Variants in PCDHGB7 observed in about 807,000 individuals in gnomAD.
PCDHGB7 encodes protocadherin gamma-B7.
PCDHGB7 carries 37 observed loss-of-function variants against 61.4 expected under a neutral mutation model. The ratio of observed to expected loss-of-function variants is 0.60; its 90% confidence interval spans 0.46 to 0.79. The LOEUF is 0.79. Among genes scored for constraint, PCDHGB7 ranks in the 30% least tolerant of loss-of-function variants. The pLI is 0.00. For synonymous variants in PCDHGB7, 464 were observed against 503.5 expected (o/e 0.92, Z 1.05); for missense variants, 1,166 against 1,202.5 (o/e 0.97, Z 0.45).
At position 141,487,681 on chromosome 5, in the gene PCDHGB7, T is replaced by C. The variant is rs754032560; in HGVS notation, c.2416-7126T>C. The stretch of plus-strand genomic sequence containing the variant: ...CTGATCCAGGCATATGGCTAGGCCA[T>C]GTCCTAGAGAGTACTGGCCTCTCAG... On this transcript the variant is annotated intron_variant, in intron 1 of 3. Coordinates refer to ENST00000398594, the MANE Select transcript of PCDHGB7 (RefSeq NM_018927.4). The surrounding 1 kb of genome is among the most constrained non-coding windows in gnomAD (Gnocchi z 5.0). 1.1e-5 allele frequency: 18 copies of C among 1,608,852 alleles called. No individual in the cohort carries two copies. The highest frequency in any genetic ancestry group is 4.5e-5 in the East Asian group (2 of 44,816).
Position 141,505,374 on chromosome 5 carries a change from C to T in PCDHGB7, c.2475-19C>T. The T allele has an allele frequency of 2.5e-6, 4 of 1,614,004 alleles. No homozygotes were observed. Among genetic ancestry groups the T allele is most frequent in the Non-Finnish European group, 2.5e-6 (3 of 1,179,944 alleles). On this transcript the variant is annotated intron_variant, in intron 2 of 3. Coordinates refer to ENST00000398594, the MANE Select transcript of PCDHGB7 (RefSeq NM_018927.4). Reference sequence around the variant, plus strand: ...TGCCGGCCTGGGAGTCTGTGCTCACCATCCTACTCTCTCCCCAGCTCCCAA... The same window carrying T: ...TGCCGGCCTGGGAGTCTGTGCTCACTATCCTACTCTCTCCCCAGCTCCCAA...
intron 1 of PCDHGB7, among the ~76,000 whole-genome samples, chr5:141,463,460 T>TTTC (rs1554144872): frequency 7.4e-6 from 1 of 136,038 alleles, no homozygotes; most frequent in South Asian, 2.5e-4. Context: ...TTTTTTTTTT[T>TTTC]TTTTTTGAGA....
At position 141,491,346 on chromosome 5, in the gene PCDHGB7, T is replaced by A. The variant is rs760843553; in HGVS notation, c.2416-3461T>A. ...TCATTGTGGCTCTAGCGACCGTCAG[T>A]CTCTTATCCCTAGTCACCTTCACCT... On this transcript the variant is annotated intron_variant, in intron 1 of 3. Coordinates refer to ENST00000398594, the MANE Select transcript of PCDHGB7 (RefSeq NM_018927.4). This position sits in a 1 kb window ranked among gnomAD's most constrained non-coding sequence, Gnocchi z 6.9. The A allele has an allele frequency of 6.2e-7, 1 of 1,614,088 alleles. No individual in the cohort carries two copies. The highest frequency in any genetic ancestry group is 1.1e-5 in the South Asian group (1 of 91,080).
rs753678898 is a variant in PCDHGB7 at position 141,419,601 on chromosome 5, C to A, written c.1742C>A (p.Ala581Asp). The A allele has an allele frequency of 6.2e-7, 1 of 1,611,818 alleles. No individual in the cohort carries two copies. Among genetic ancestry groups the A allele is most frequent in the Admixed American group, 1.7e-5 (1 of 59,990 alleles). The change falls in exon 1 of 4, where the codon GCC becomes GAC. Residue 581 changes from alanine to aspartate, a missense_variant. Physicochemically the swap from Ala to Asp is moderately radical, Grantham distance 126. Transcript: ENST00000398594. ...GCGCTCTTCGACACAGTGCCGCGGGCCGCGCAGCCAGGCTACCTGGTGACC... is the reference window on the plus strand; with the variant it reads ...GCGCTCTTCGACACAGTGCCGCGGGACGCGCAGCCAGGCTACCTGGTGACC... Reference protein sequence around the residue: ...GSALFDTVPRAAQPGYLVTKV... With the variant: ...GSALFDTVPRDAQPGYLVTKV...
chr5:141,456,353 G>A (rs1041991824), intron 1 of PCDHGB7, among the ~76,000 whole-genome samples: 2 of 152,120 alleles, frequency 1.3e-5, no homozygotes, highest in South Asian at 2.1e-4. Context: ...GAAGAATGGC[G>A]TCCATGTGTG....
chr5:141,419,023 A>C lies in PCDHGB7; in HGVS notation c.1164A>C (p.Arg388Ser). 6.2e-7 allele frequency: 1 copy of C among 1,613,958 alleles called. No homozygotes were observed. The highest frequency in any genetic ancestry group is 2.2e-5 in the East Asian group (1 of 44,876). The stretch of plus-strand genomic sequence containing the variant: ...GGGAAGTCAGGTGTAGCTTAAGTAG[A>C]GGTGTTCCATTTAAGATTCATTCTT... ...ENGEVRCSLSRGVPFKIHSSS... is the reference protein window; with the variant it reads ...ENGEVRCSLSSGVPFKIHSSS... Residue 388 changes from arginine to serine, a missense_variant, in exon 1 of 4, where the codon AGA becomes AGC. By Grantham distance (110) the Arg-to-Ser change is moderately radical. Transcript: ENST00000398594.
chr5:141,423,246 G>A, intron 1 of PCDHGB7: 15 of 1,613,922 alleles, frequency 9.3e-6, no homozygotes, highest in Non-Finnish European at 1.3e-5. Context: ...CCGAAGTCCT[G>A]GCGGACCTCG....
At position 141,476,760 on chromosome 5, in the gene PCDHGB7, C is replaced by A; in HGVS notation, c.2416-18047C>A. The A allele has an allele frequency of 6.2e-7, 1 of 1,613,824 alleles. No homozygotes were observed. Among genetic ancestry groups the A allele is most frequent in the Non-Finnish European group, 8.5e-7 (1 of 1,180,010 alleles). On this transcript the variant is annotated intron_variant, in intron 1 of 3. Coordinates refer to ENST00000398594, the MANE Select transcript of PCDHGB7 (RefSeq NM_018927.4). This position sits in a 1 kb window ranked among gnomAD's most constrained non-coding sequence, Gnocchi z 7.6. ...GAGCCTAGTCTCCAGTTAGTGCTGA[C>A]GGCGTTGGACGGAGGGACCCCAGCT...
intron 1 of PCDHGB7, chr5:141,423,620 C>T: frequency 6.2e-7 from 1 of 1,608,268 alleles, no homozygotes; most frequent in Middle Eastern, 1.7e-4. Context: ...GCTGAAGACT[C>T]AGCTATCATT....
chr5:141,428,341 C>T, intron 1 of PCDHGB7: 1 of 602,086 alleles, frequency 1.7e-6, no homozygotes, highest in Non-Finnish European at 3.0e-6. Flanking sequence ...GCTCTTCTTC[C>T]TCGCAGTGAT....
At chr5:141,429,796 A>C (rs2097245618) in intron 1 of PCDHGB7, among the ~76,000 whole-genome samples, 1 of 152,216 alleles carries the variant, frequency 6.6e-6, no homozygotes, top group Non-Finnish European at 1.5e-5. Flanking sequence ...ATTACCAGTA[A>C]TTCTCAGTAA....
rs371130763 is a variant in PCDHGB7 at position 141,432,970 on chromosome 5, G to A, written c.2415+12696G>A. The A allele has an allele frequency of 5.0e-6, 8 of 1,613,996 alleles. No homozygotes were observed. Among genetic ancestry groups the A allele is most frequent in the East Asian group, 4.5e-5 (2 of 44,868 alleles). ...GAGGCGGCTTGACAGGAGCGCCGGC[G>A]TCGCACTTTGTGGGCGTGGACGGGG... On this transcript the variant is annotated intron_variant, in intron 1 of 3. Transcript: ENST00000398594. The surrounding 1 kb of genome is among the most constrained non-coding windows in gnomAD (Gnocchi z 6.0).
rs534845593 is a variant in PCDHGB7, at chr5:141,478,216, G to A, written c.2416-16591G>A. On this transcript the variant is annotated intron_variant, in intron 1 of 3. Coordinates refer to ENST00000398594, the MANE Select transcript of PCDHGB7 (RefSeq NM_018927.4). ...TTTATCTACTTCTTTCTCTAATCCTGGTTTCTGTGGGGTTTGTGGTCACAG... is the reference window on the plus strand; with the variant it reads ...TTTATCTACTTCTTTCTCTAATCCTAGTTTCTGTGGGGTTTGTGGTCACAG... 414 of 1,614,090 alleles carry A rather than the reference G, an allele frequency of 2.6e-4. 9 individuals carry two copies. In the South Asian group the frequency reaches 4.4e-3, roughly 17 times the overall value.
At chr5:141,457,607 T>C (rs578113551) in intron 1 of PCDHGB7, among the ~76,000 whole-genome samples, 2 of 152,360 alleles carry the variant, frequency 1.3e-5, no homozygotes, top group African/African-American at 4.8e-5. Context: ...AAACTAATTA[T>C]GAATGAACTT....
In PCDHGB7 at chr5:141,431,797, A is replaced by T. The variant is rs754056771; in HGVS notation, c.2415+11523A>T. 6.2e-7 allele frequency: 1 copy of T among 1,614,256 alleles called. No homozygotes were observed. The highest frequency in any genetic ancestry group is 2.2e-5 in the East Asian group (1 of 44,882). ...TGGACGTGAACGACAATGCCCCAGAAGTGGTCCTCACCTCTCTCGCCAGCT... is the reference window on the plus strand; with the variant it reads ...TGGACGTGAACGACAATGCCCCAGATGTGGTCCTCACCTCTCTCGCCAGCT... On this transcript the variant is annotated intron_variant, in intron 1 of 3. Coordinates refer to ENST00000398594, the MANE Select transcript of PCDHGB7 (RefSeq NM_018927.4). This position sits in a 1 kb window ranked among gnomAD's most constrained non-coding sequence, Gnocchi z 4.8.
intron 1 of PCDHGB7, chr5:141,424,664 A>G (rs923488035): frequency 1.3e-5 from 2 of 152,124 alleles, no homozygotes; most frequent in African/African-American, 4.8e-5. Context: ...CTTTAATTAA[A>G]CTGATTTAGC....
intron 2 of PCDHGB7, among the ~76,000 whole-genome samples, chr5:141,503,700 C>G (rs2099828974): frequency 6.6e-6 from 1 of 152,016 alleles, no homozygotes; most frequent in Non-Finnish European, 1.5e-5. Flanking sequence ...GAGATTCCTG[C>G]TTTCCCCTTC....
chr5:141,470,538 A>G (rs2099232733), intron 1 of PCDHGB7, among the ~76,000 whole-genome samples: 1 of 152,140 alleles, frequency 6.6e-6, no homozygotes, highest in African/African-American at 2.4e-5. Context: ...GTATCAGGTA[A>G]TATTTATTGA....
intron 1 of PCDHGB7, among the ~76,000 whole-genome samples, chr5:141,449,061 A>G (rs1280366583): frequency 1.3e-5 from 2 of 152,190 alleles, no homozygotes; most frequent in Non-Finnish European, 2.9e-5. Context: ...AATGAGCGCT[A>G]TTGAATAGCC....
Sources: gnomAD v4.1 joint callset for allele counts (sites outside exome capture counted in the v4.1 genomes callset) on GRCh38, gnomAD v4.1.1 for gene constraint, Gnocchi (gnomAD v3.1) non-coding constraint, MANE v1.5 for transcripts, NCBI Gene and HGNC (gene_info 2026-07-23, HGNC 2026-07-21) for gene names.